Variants in PCM1 observed in about 807,000 individuals in gnomAD.
PCM1 encodes the protein pericentriolar material 1, also known as pericentriolar material 1 protein.
Under a neutral mutation model 241.9 loss-of-function variants are expected in PCM1, and 157 were observed. The observed-to-expected ratio is 0.65, with a 90% CI of 0.57 to 0.74. PCM1 has a LOEUF of 0.74. Ranked by LOEUF, PCM1 falls within the 30% of genes least tolerant of loss-of-function variation. PCM1 has a pLI of 0.00. For synonymous variants in PCM1, 1,085 were observed against 784.9 expected (o/e 1.38, Z -6.39); for missense variants, 3,478 against 2,360.1 (o/e 1.47, Z -9.81).
chr8:17,995,685 T>C (rs934662188), intron 29 of PCM1, among the ~76,000 whole-genome samples: 4 of 146,892 alleles, frequency 2.7e-5, no homozygotes, highest in African/African-American at 1.1e-4. Flanking sequence ...TATTGATTTT[T>C]CCAATCCATG....
intron 1 of PCM1, among the ~76,000 whole-genome samples, chr8:17,923,608 C>A (rs761590761): frequency 6.6e-6 from 1 of 151,930 alleles, no homozygotes; most frequent in Non-Finnish European, 1.5e-5. Context: ...CATAGTTCTT[C>A]CCCGCGTTCC....
chr8:17,929,143 C>G (rs1287735650), intron 2 of PCM1, among the ~76,000 whole-genome samples: 3 of 152,108 alleles, frequency 2.0e-5, no homozygotes, highest in Admixed American at 6.5e-5. Flanking sequence ...AAATTTCTCA[C>G]CAAAGTCAAC....
Position 17,967,000 on chromosome 8 carries a change from A to C in PCM1, c.3242A>C (p.Glu1081Ala), listed in dbSNP as rs754129177. 2.6e-5 allele frequency: 42 copies of C among 1,606,502 alleles called. No individual in the cohort carries two copies. Among genetic ancestry groups the C allele is most frequent in the Non-Finnish European group, 3.3e-5 (39 of 1,176,276 alleles). ...TGTAGGTTGAAACAAATGCTAAATG[A>C]ACTTATGCGCCAGCAAAATCAGCAT... is the stretch of plus-strand genomic sequence containing the variant. Reference protein sequence around the residue: ...NVQRLKQMLNELMRQQNQHPE... With the variant: ...NVQRLKQMLNALMRQQNQHPE... Residue 1081 changes from glutamate to alanine, a missense_variant, in exon 21 of 39, where the codon GAA becomes GCA. Transcript: ENST00000325083.
At chr8:18,008,700 G>C (rs2091955983) in intron 30 of PCM1, among the ~76,000 whole-genome samples, 2 of 152,182 alleles carry the variant, frequency 1.3e-5, no homozygotes, top group Admixed American at 1.3e-4. Context: ...AAAGGTGGAA[G>C]ATGAGTCTTT....
chr8:18,017,437 C>A (rs1024743336), intron 36 of PCM1, among the ~76,000 whole-genome samples: 1 of 152,110 alleles, frequency 6.6e-6, no homozygotes, highest in Non-Finnish European at 1.5e-5. Context: ...TTTGAGAGAA[C>A]ATTAGAACTA....
chr8:18,007,025 A>G lies in PCM1; in HGVS notation c.4962+628A>G, dbSNP rs2091521034. The stretch of plus-strand genomic sequence containing the variant: ...GGACAGTACCCCATAGCAAAGTATT[A>G]TCTGGCCCTAAATGTCAACAGTGCC... On this transcript the variant is annotated intron_variant, in intron 30 of 38. Transcript: ENST00000325083. 1.3e-5 allele frequency among the ~76,000 whole-genome samples: 2 copies of G among 152,240 alleles called. 1 individual carries two copies. The highest frequency in any genetic ancestry group is 4.1e-4 in the South Asian group (2 of 4,836).
intron 29 of PCM1, among the ~76,000 whole-genome samples, chr8:18,005,343 GTGT>G (rs1380048437): frequency 1.3e-4 from 18 of 141,896 alleles, no homozygotes; most frequent in African/African-American, 3.3e-4. Flanking sequence ...AGGGACAGTT[GTGT>G]TGTTGTTGTT....
intron 26 of PCM1, chr8:17,986,361 C>A: frequency 4.9e-6 from 1 of 202,564 alleles, no homozygotes. Flanking sequence ...GGGGCTGACT[C>A]TTAAAAGACA....
intron 29 of PCM1, among the ~76,000 whole-genome samples, chr8:18,005,476 G>T (rs576805039): frequency 2.0e-5 from 3 of 151,630 alleles, no homozygotes; most frequent in South Asian, 2.1e-4. Flanking sequence ...ATGTATTGGT[G>T]GGGGGGACTG....
chr8:18,010,686 T>G lies in PCM1; in HGVS notation c.5220+18T>G, dbSNP rs947179498. 6.3e-7 allele frequency: 1 copy of G among 1,578,808 alleles called. No individual in the cohort carries two copies. Among genetic ancestry groups the G allele is most frequent in the African/African-American group, 1.4e-5 (1 of 73,182 alleles). On this transcript the variant is annotated intron_variant, in intron 32 of 38. Transcript: ENST00000325083. ...AAGACAAAGTATGTGCTAATTAATT[T>G]TTGCCTAAAAATATGGCTGGGCGCG...
chr8:17,969,923 A>C (rs2076281147), intron 22 of PCM1, among the ~76,000 whole-genome samples, 175 bp downstream of exon 22: 1 of 152,134 alleles, frequency 6.6e-6, no homozygotes, highest in South Asian at 2.1e-4. Flanking sequence ...CTTCCTGGTA[A>C]CCCTGGTACA....
chr8:17,998,052 A>G (rs1214551110), intron 29 of PCM1, among the ~76,000 whole-genome samples: 1 of 151,266 alleles, frequency 6.6e-6, no homozygotes, highest in East Asian at 1.9e-4. Flanking sequence ...AAAAAAAAAA[A>G]TTCTGAATTC....
At chr8:17,956,881 T>A (rs532564580) in intron 11 of PCM1, 104 bp downstream of exon 11, 3 of 911,842 alleles carry the variant, frequency 3.3e-6, no homozygotes, top group Non-Finnish European at 5.0e-6. Flanking sequence ...ATTTGCCTTT[T>A]ATTTAAGCTT....
chr8:17,946,971 T>G (rs1368245375), intron 6 of PCM1, among the ~76,000 whole-genome samples: 2 of 152,066 alleles, frequency 1.3e-5, no homozygotes, highest in South Asian at 2.1e-4. Flanking sequence ...TTATGTAGCT[T>G]TTTACTGTGA....
In PCM1 at chr8:18,029,006, C is replaced by T. The variant is rs545955422; in HGVS notation, c.*1344C>T. On this transcript the variant is annotated 3_prime_UTR_variant, in exon 39 of 39. Transcript: ENST00000325083. The stretch of plus-strand genomic sequence containing the variant: ...TCTCTACTAAAAATAAAAAAATTAG[C>T]TGGGAGAGGTGGCACGTGCCTGTAG... The T allele has an allele frequency of 2.5e-4, 44 of 177,066 alleles. No individual in the cohort carries two copies. The highest frequency in any genetic ancestry group is 9.9e-4 in the African/African-American group (42 of 42,300). The allele number at this position is 177,066 out of a possible 1,614,324, so 11.0% of individuals were successfully genotyped here. A position where few individuals can be genotyped will look rare whatever the true frequency, so the allele number is the denominator to read the frequency against.
At position 17,964,716 on chromosome 8, in the gene PCM1, C is replaced by G; in HGVS notation, c.2803C>G (p.Pro935Ala). 1 of 1,613,760 alleles carries G rather than the reference C, an allele frequency of 6.2e-7. No individual in the cohort carries two copies. Among genetic ancestry groups the G allele is most frequent in the Non-Finnish European group, 8.5e-7 (1 of 1,179,710 alleles). Residue 935 changes from proline to alanine, a missense_variant, in exon 18 of 39, where the codon CCT (proline) becomes GCT (alanine). By Grantham distance (27) the Pro-to-Ala change is conservative. Coordinates refer to ENST00000325083, the MANE Select transcript of PCM1 (RefSeq NM_006197.4). ...ASSNDNFSVC[P>A]SNSVNHNSYN... Reference sequence around the variant, plus strand: ...TTCCAATGATAACTTTTCTGTGTGTCCTTCTAACAGTGTGAATCATAACTC... The same window carrying G: ...TTCCAATGATAACTTTTCTGTGTGTGCTTCTAACAGTGTGAATCATAACTC...
chr8:17,947,315 G>C lies in PCM1; in HGVS notation c.913G>C (p.Ala305Pro). Residue 305 changes from alanine to proline, a missense_variant, in exon 7 of 39, where the codon GCT (alanine) becomes CCT (proline). By Grantham distance (27) the Ala-to-Pro change is conservative (BLOSUM62 -1). Transcript: ENST00000325083. ...ACAGGGACGGCAGGCTGCACTTCTA[G>C]CTCTGCAACATAAAGCAGAGCAAGC... is the stretch of plus-strand genomic sequence containing the variant. ...ALQGRQAALL[A>P]LQHKAEQAIA... The C allele has an allele frequency of 1.9e-6, 3 of 1,612,446 alleles. No homozygotes were observed. Among genetic ancestry groups the C allele is most frequent in the South Asian group, 1.1e-5 (1 of 90,786 alleles).
chr8:17,966,869 C>T, intron 20 of PCM1, 111 bp from the exon 21 acceptor site: 1 of 913,574 alleles, frequency 1.1e-6, no homozygotes, highest in Non-Finnish European at 1.7e-6. Flanking sequence ...AGTATCAGAG[C>T]AGTTTGTCTG....
chr8:18,017,200 T>A (rs1216998103), intron 36 of PCM1, among the ~76,000 whole-genome samples: 1 of 152,164 alleles, frequency 6.6e-6, no homozygotes, highest in African/African-American at 2.4e-5. Flanking sequence ...GATTGACTAG[T>A]CCAAAAAGTT....
Sources: gnomAD v4.1 joint callset for allele counts (sites outside exome capture counted in the v4.1 genomes callset) on GRCh38, gnomAD v4.1.1 for gene constraint, MANE v1.5 for transcripts, NCBI Gene and HGNC (gene_info 2026-07-23, HGNC 2026-07-21) for gene names.